FAM184A: variants seen among roughly 807,000 people sequenced by gnomAD.
FAM184A encodes family with sequence similarity 184 member A, also known as protein FAM184A.
Under a neutral mutation model 143.8 loss-of-function variants are expected in FAM184A, and 99 were observed. That is an observed-to-expected ratio of 0.69 (90% CI 0.58 to 0.81). The LOEUF (loss-of-function observed/expected upper bound fraction) is 0.81. FAM184A is among the 40% of genes least tolerant of loss of function. The pLI is 0.00. For synonymous variants in FAM184A, 427 were observed against 446.4 expected, an observed-to-expected ratio of 0.96 and a Z score of 0.55; for missense variants, 1,217 against 1,310.5, an observed-to-expected ratio of 0.93 and a Z score of 1.10.
chr6:118,980,194 C>G lies in FAM184A; in HGVS notation c.2245G>C (p.Glu749Gln), dbSNP rs1783979567. Residue 749 changes from glutamate to glutamine, a missense_variant, in exon 10 of 18, where the codon GAA becomes CAA. By Grantham distance (29) the Glu-to-Gln change is conservative. Coordinates refer to ENST00000338891, the MANE Select transcript of FAM184A (RefSeq NM_024581.6). Reference protein sequence around the residue: ...QHQQRHKSLKEAHVLAFQTME... With the variant: ...QHQQRHKSLKQAHVLAFQTME... ...GTTTGAAATGCAAGGACATGTGCTT[C>G]TTTTAATGATTTGTGTCTTTGCTGA... The G allele has an allele frequency of 6.2e-7, 1 of 1,614,080 alleles. No homozygotes were observed. Among genetic ancestry groups the G allele is most frequent in the Non-Finnish European group, 8.5e-7 (1 of 1,180,028 alleles).
At chr6:118,971,639 T>C (rs1415158115) in intron 14 of FAM184A, among the ~76,000 whole-genome samples, 1 of 152,186 alleles carries the variant, frequency 6.6e-6, no homozygotes, top group East Asian at 1.9e-4. Context: ...TTTACTACTA[T>C]ATCACTGAAA....
At position 119,016,787 on chromosome 6, in the gene FAM184A, A is replaced by G; in HGVS notation, c.1490T>C (p.Val497Ala). Residue 497 changes from valine (V) to alanine (A), a missense_variant, in exon 5 of 18, where the codon GTC becomes GCC. Physicochemically the swap from Val to Ala is moderately conservative, Grantham distance 64. Coordinates refer to ENST00000338891, the MANE Select transcript of FAM184A (RefSeq NM_024581.6). The part of the protein sequence containing the change: ...AWKHHMAIEA[V>A]HSNAIRDKKK... The stretch of plus-strand genomic sequence containing the variant: ...CTTATCCCTAATTGCATTACTGTGG[A>G]CAGCTTCAATTGCCATATGGTGCTT... The G allele has an allele frequency of 1.9e-6, 3 of 1,614,178 alleles. No individual in the cohort carries two copies. Among genetic ancestry groups the G allele is most frequent in the Non-Finnish European group, 2.5e-6 (3 of 1,180,036 alleles).
rs547587785 is a variant in FAM184A at position 119,030,644 on chromosome 6, C to T, written c.160-5831G>A. Among the ~76,000 whole-genome samples, 6 of 151,852 alleles carry T rather than the reference C, an allele frequency of 4.0e-5. No homozygotes were observed. In the East Asian group the frequency reaches 1.2e-3, roughly 29 times the overall value. The stretch of plus-strand genomic sequence containing the variant: ...ACTATTTAAAAATATATATGTAAGG[C>T]ACTAAAACATGGTAAGACTTCCTTA... On this transcript the variant is annotated intron_variant, in intron 1 of 17. Coordinates refer to ENST00000338891, the MANE Select transcript of FAM184A (RefSeq NM_024581.6).
intron 9 of FAM184A, among the ~76,000 whole-genome samples, chr6:119,001,758 A>G (rs1019418395): frequency 6.6e-6 from 1 of 152,182 alleles, no homozygotes; most frequent in African/African-American, 2.4e-5. Flanking sequence ...TCTATTAAAT[A>G]ATCAAAGTAA....
intron 6 of FAM184A, among the ~76,000 whole-genome samples, chr6:119,007,712 A>G (rs1784965633): frequency 6.6e-6 from 1 of 152,178 alleles, no homozygotes; most frequent in African/African-American, 2.4e-5. Flanking sequence ...AGGCCGAGGC[A>G]GGCTGATCAC....
chr6:119,067,822 T>C (rs1787515017), intron 1 of FAM184A, among the ~76,000 whole-genome samples: 1 of 151,952 alleles, frequency 6.6e-6, no homozygotes, highest in Non-Finnish European at 1.5e-5. Flanking sequence ...GAAAAGAAAA[T>C]ATAGCTGGGC....
chr6:118,960,204 G>C lies in FAM184A; in HGVS notation c.3342-20C>G, dbSNP rs182425569. 3 of 1,602,932 alleles carry C rather than the reference G, an allele frequency of 1.9e-6. No homozygotes were observed. Among genetic ancestry groups the C allele is most frequent in the Admixed American group, 1.7e-5 (1 of 58,664 alleles). On this transcript the variant is annotated intron_variant, in intron 17 of 17. Coordinates refer to ENST00000338891, the MANE Select transcript of FAM184A (RefSeq NM_024581.6). ...GCAGGACTGAATTCATAAAAAGAGAGACATGTAACCCAGCATTAAGTCATT... is the reference window on the plus strand; with the variant it reads ...GCAGGACTGAATTCATAAAAAGAGACACATGTAACCCAGCATTAAGTCATT...
intron 9 of FAM184A, among the ~76,000 whole-genome samples, chr6:118,996,747 C>T (rs1784573882): frequency 6.6e-6 from 1 of 152,036 alleles, no homozygotes; most frequent in African/African-American, 2.4e-5. Flanking sequence ...CAGAATCTCA[C>T]TCCATCACCC....
At chr6:118,999,377 T>C (rs544352684) in intron 9 of FAM184A, among the ~76,000 whole-genome samples, 2 of 152,334 alleles carry the variant, frequency 1.3e-5, no homozygotes, top group Admixed American at 6.5e-5. Context: ...CAGAATCTCA[T>C]AGTTTACCAA....
intron 1 of FAM184A, among the ~76,000 whole-genome samples, chr6:119,135,480 C>T (rs925891613): frequency 6.6e-6 from 1 of 152,106 alleles, no homozygotes; most frequent in African/African-American, 2.4e-5. Flanking sequence ...AAATGATATG[C>T]TTCACAATAA....
At chr6:119,064,972 C>T (rs746468819) in intron 1 of FAM184A, among the ~76,000 whole-genome samples, 20 of 152,174 alleles carry the variant, frequency 1.3e-4, no homozygotes, top group Non-Finnish European at 2.1e-4. Context: ...CAAGTGCTTA[C>T]TAAATGTTTC....
chr6:118,965,411 A>G (rs1038788921), intron 15 of FAM184A, among the ~76,000 whole-genome samples: 1 of 152,174 alleles, frequency 6.6e-6, no homozygotes, highest in East Asian at 1.9e-4. Context: ...AATCTATGAT[A>G]GCAATGGTAA....
At chr6:118,968,460 A>G (rs1413061589) in intron 14 of FAM184A, among the ~76,000 whole-genome samples, 1 of 152,250 alleles carries the variant, frequency 6.6e-6, no homozygotes, top group Admixed American at 6.5e-5. Context: ...GTGAAAAATA[A>G]TGTGATTTGT....
chr6:119,125,790 C>T (rs920356460), intron 1 of FAM184A, among the ~76,000 whole-genome samples: 3 of 152,008 alleles, frequency 2.0e-5, no homozygotes, highest in African/African-American at 4.8e-5. Context: ...TCGTATGTGC[C>T]CAGAGAAGTT....
At chr6:119,023,103 T>C (rs1393450450) in intron 2 of FAM184A, 23 bp from the exon 3 acceptor site, 1 of 1,613,080 alleles carries the variant, frequency 6.2e-7, no homozygotes. Context: ...AAATAGCCAT[T>C]GTTAAAATGC....
chr6:118,960,272 T>G (rs987814161), intron 17 of FAM184A, 88 bp from the exon 18 acceptor site: 2 of 1,027,568 alleles, frequency 1.9e-6, no homozygotes, highest in Non-Finnish European at 2.9e-6. Flanking sequence ...CAGCATAGAT[T>G]ACCACAACGG....
chr6:119,021,658 C>G (rs1785452203), intron 3 of FAM184A, among the ~76,000 whole-genome samples: 1 of 151,772 alleles, frequency 6.6e-6, no homozygotes, highest in Non-Finnish European at 1.5e-5. Flanking sequence ...CAAGCCTGAG[C>G]AACAGAACAA....
At chr6:119,049,061 A>C (rs901745409) in intron 1 of FAM184A, among the ~76,000 whole-genome samples, 1 of 152,224 alleles carries the variant, frequency 6.6e-6, no homozygotes, top group African/African-American at 2.4e-5. Context: ...GGCAATCCTA[A>C]GCAAAAAGGA....
At chr6:118,984,715 A>G (rs183830082) in intron 9 of FAM184A, among the ~76,000 whole-genome samples, 38 of 152,330 alleles carry the variant, frequency 2.5e-4, no homozygotes, top group Middle Eastern at 6.8e-3. Flanking sequence ...AAGAATACAG[A>G]AAGTATACAA....
Sources: gnomAD v4.1 joint callset for allele counts (sites outside exome capture counted in the v4.1 genomes callset) on GRCh38, gnomAD v4.1.1 for gene constraint, MANE v1.5 for transcripts, NCBI Gene and HGNC (gene_info 2026-07-23, HGNC 2026-07-21) for gene names.